LSAMP: variants seen among roughly 807,000 people sequenced by gnomAD.
LSAMP encodes the protein limbic system-associated membrane protein.
Under a neutral mutation model 38.6 loss-of-function variants are expected in LSAMP, and 7 were observed. That is an observed-to-expected ratio of 0.18 (90% CI 0.10 to 0.34). The LOEUF is 0.34. Among genes scored for constraint, LSAMP ranks in the 10% least tolerant of loss-of-function variants. The pLI is 1.00. For missense variants in LSAMP, 313 were observed against 420.0 expected, an observed-to-expected ratio of 0.75 and a Z score of 2.23; for synonymous variants, 154 against 166.8, an observed-to-expected ratio of 0.92 and a Z score of 0.59.
intron 1 of LSAMP, among the ~76,000 whole-genome samples, chr3:116,187,318 T>C (rs1459203510): frequency 6.6e-6 from 1 of 152,084 alleles, no homozygotes; most frequent in Admixed American, 6.6e-5. Flanking sequence ...TTGAGCAAAT[T>C]ACAGATGGTA....
intron 3 of LSAMP, among the ~76,000 whole-genome samples, chr3:115,953,404 TACACACACACAC>T (rs71616336): frequency 2.4e-4 from 34 of 143,706 alleles, no homozygotes; most frequent in African/African-American, 4.4e-4. Context: ...GTAGTGTGCG[TACACACACACAC>T]ACACACACAC....
At chr3:116,298,448 A>G (rs1207911941) in intron 1 of LSAMP, among the ~76,000 whole-genome samples, 1 of 152,006 alleles carries the variant, frequency 6.6e-6, no homozygotes, top group African/African-American at 2.4e-5. Context: ...ACTGGGAGTT[A>G]GGAGGCTTTT....
intron 3 of LSAMP, among the ~76,000 whole-genome samples, chr3:115,917,310 T>C (rs1937272872): frequency 6.6e-6 from 1 of 152,208 alleles, no homozygotes; most frequent in Non-Finnish European, 1.5e-5. Context: ...CTTTAGCCTA[T>C]TGTTTATTAC....
At chr3:116,443,092 A>G (rs2049458777) in intron 1 of LSAMP, among the ~76,000 whole-genome samples, 1 of 152,200 alleles carries the variant, frequency 6.6e-6, no homozygotes, top group Admixed American at 6.5e-5. Context: ...CTCATATTCA[A>G]TCTTGTAACC....
intron 1 of LSAMP, among the ~76,000 whole-genome samples, chr3:116,271,343 A>AACTT (rs1355970511): frequency 1.3e-5 from 2 of 152,034 alleles, no homozygotes; most frequent in Non-Finnish European, 2.9e-5. Flanking sequence ...GACTAACTAC[A>AACTT]ACTTGGCACA....
intron 1 of LSAMP, among the ~76,000 whole-genome samples, chr3:116,390,893 A>G (rs969262125): frequency 4.0e-5 from 6 of 151,876 alleles, no homozygotes; most frequent in African/African-American, 1.5e-4. Context: ...ATCTCCTACC[A>G]TTTTCATGTA....
intron 1 of LSAMP, among the ~76,000 whole-genome samples, chr3:116,400,947 A>T (rs2048833274): frequency 6.6e-6 from 1 of 152,138 alleles, no homozygotes; most frequent in African/African-American, 2.4e-5. Context: ...CACAGGATGG[A>T]TCTACTAGCA....
chr3:115,900,363 A>G (rs946142636), intron 3 of LSAMP, among the ~76,000 whole-genome samples: 2 of 152,036 alleles, frequency 1.3e-5, no homozygotes, highest in African/African-American at 2.4e-5. Flanking sequence ...AAAAATACAA[A>G]TATTAGCTGG....
intron 3 of LSAMP, among the ~76,000 whole-genome samples, chr3:115,901,804 A>C (rs1936881800): frequency 6.6e-6 from 1 of 152,182 alleles, no homozygotes; most frequent in African/African-American, 2.4e-5. Context: ...CATATATAAA[A>C]TATCACACTT....
chr3:115,927,387 G>C (rs1433559668), intron 3 of LSAMP, among the ~76,000 whole-genome samples: 1 of 152,122 alleles, frequency 6.6e-6, no homozygotes, highest in African/African-American at 2.4e-5. Context: ...TGTTCATTGA[G>C]GGATCTGTGA....
intron 1 of LSAMP, among the ~76,000 whole-genome samples, chr3:116,102,684 T>TC (rs1191391192): frequency 6.6e-6 from 1 of 152,220 alleles, no homozygotes; most frequent in Non-Finnish European, 1.5e-5. Flanking sequence ...TTTCACACTA[T>TC]CAGCTTTCCT....
chr3:116,404,636 C>G (rs2048878706), intron 1 of LSAMP, among the ~76,000 whole-genome samples: 1 of 152,102 alleles, frequency 6.6e-6, no homozygotes. Context: ...ATAAAACTCT[C>G]TACAGATATA....
intron 1 of LSAMP, among the ~76,000 whole-genome samples, chr3:116,145,099 C>G (rs1709459406): frequency 6.6e-6 from 1 of 151,858 alleles, no homozygotes; most frequent in African/African-American, 2.4e-5. Flanking sequence ...AGTTTATCTA[C>G]AAGGTGGCTT....
At chr3:116,123,734 C>T (rs1026866804) in intron 1 of LSAMP, among the ~76,000 whole-genome samples, 11 of 152,146 alleles carry the variant, frequency 7.2e-5, no homozygotes, top group East Asian at 1.9e-4. Context: ...TTTATTAACA[C>T]GGTAGATATT....
chr3:116,421,952 T>C (rs2049134190), intron 1 of LSAMP, among the ~76,000 whole-genome samples: 1 of 152,190 alleles, frequency 6.6e-6, no homozygotes, highest in Non-Finnish European at 1.5e-5. Context: ...AATGAAAATA[T>C]ATGTTCCCTC....
intron 1 of LSAMP, among the ~76,000 whole-genome samples, chr3:116,204,466 A>G (rs1277665703): frequency 6.6e-6 from 1 of 151,918 alleles, no homozygotes; most frequent in Non-Finnish European, 1.5e-5. Context: ...TTAGACATGA[A>G]GTCCTTGCCC....
chr3:115,928,770 A>C (rs1312369731), intron 3 of LSAMP, among the ~76,000 whole-genome samples: 1 of 152,144 alleles, frequency 6.6e-6, no homozygotes, highest in African/African-American at 2.4e-5. Context: ...AGGTGTGGGA[A>C]TTATATTCTG....
At chr3:115,846,296 CCA>C (rs1559847970) in intron 4 of LSAMP, among the ~76,000 whole-genome samples, 1 of 152,066 alleles carries the variant, frequency 6.6e-6, no homozygotes, top group Non-Finnish European at 1.5e-5. Flanking sequence ...ATTCAAAATT[CCA>C]CGTTCTGAAA....
intron 2 of LSAMP, among the ~76,000 whole-genome samples, chr3:116,027,197 C>T (rs184171581): frequency 6.6e-6 from 1 of 152,200 alleles, no homozygotes; most frequent in East Asian, 1.9e-4. Flanking sequence ...AGAAATTCAG[C>T]CTAAATCAGC....
Sources: allele counts gnomAD v4.1 joint callset (sites outside exome capture counted in the v4.1 genomes callset), GRCh38; gene constraint gnomAD v4.1.1; transcripts MANE v1.5; gene names NCBI Gene and HGNC (gene_info 2026-07-23, HGNC 2026-07-21).